Variants in IFI44 observed in about 807,000 individuals in gnomAD.
The protein encoded by IFI44 is interferon induced protein 44, also known as interferon-induced protein 44.
Under a neutral mutation model 45.0 loss-of-function variants are expected in IFI44, and 42 were observed. That is an observed-to-expected ratio of 0.93 (90% CI 0.73 to 1.21). The LOEUF (loss-of-function observed/expected upper bound fraction) is 1.21, where lower values mean the gene tolerates loss of function less well. Ranked by LOEUF, IFI44 falls within the 50% of genes most tolerant of loss-of-function variation. The pLI is 0.00. For missense variants in IFI44, 623 were observed against 525.8 expected, an observed-to-expected ratio of 1.18 and a Z score of -1.81; for synonymous variants, 221 against 188.6, an observed-to-expected ratio of 1.17 and a Z score of -1.41.
chr1:78,655,969 G>T (rs1647201989), intron 5 of IFI44, among the ~76,000 whole-genome samples: 1 of 152,098 alleles, frequency 6.6e-6, no homozygotes, highest in Non-Finnish European at 1.5e-5. Flanking sequence ...AGGTAATTAG[G>T]TCATGAAGAT....
At chr1:78,657,176 C>T (rs1409945401) in intron 5 of IFI44, among the ~76,000 whole-genome samples, 1 of 151,992 alleles carries the variant, frequency 6.6e-6, no homozygotes, top group Non-Finnish European at 1.5e-5. Flanking sequence ...TTATCAAATA[C>T]AACTCAATGT....
rs776377795 is a variant in IFI44, at chr1:78,650,311, T to C, written c.116T>C (p.Val39Ala). 1 of 1,613,900 alleles carries C rather than the reference T, an allele frequency of 6.2e-7. No individual in the cohort carries two copies. The highest frequency in any genetic ancestry group is 8.5e-7 in the Non-Finnish European group (1 of 1,179,920). The change falls in exon 2 of 9, where the codon GTT becomes GCT. Residue 39 changes from valine (V) to alanine (A), a missense_variant. Val to Ala is a moderately conservative substitution (Grantham distance 64). Coordinates refer to ENST00000370747, the MANE Select transcript of IFI44 (RefSeq NM_006417.5). ...AGTGTCCATGGATTCCGTAATGGAG[T>C]TTTGCTTGACAGATGTTGTAATCAA... ...KGSVHGFRNGVLLDRCCNQGP... is the reference protein window; with the variant it reads ...KGSVHGFRNGALLDRCCNQGP...
chr1:78,662,986 C>T (rs746063179), intron 8 of IFI44, 108 bp downstream of exon 8: 683 of 1,592,738 alleles, frequency 4.3e-4, no homozygotes, highest in Non-Finnish European at 5.3e-4. Context: ...TGGGTTGTTG[C>T]CCTGTGATTA....
intron 2 of IFI44, among the ~76,000 whole-genome samples, chr1:78,652,513 A>T (rs549893169): frequency 2.0e-5 from 3 of 152,366 alleles, no homozygotes; most frequent in Admixed American, 2.0e-4. Context: ...CAGCGTATTT[A>T]TTAGAAAATT....
chr1:78,659,629 T>C, intron 6 of IFI44, 146 bp downstream of exon 6: 2 of 594,684 alleles, frequency 3.4e-6, no homozygotes, highest in Non-Finnish European at 5.7e-6. Flanking sequence ...TTCAATGAAA[T>C]TGAGCATTCA....
chr1:78,657,420 T>C (rs566873027), intron 5 of IFI44, among the ~76,000 whole-genome samples: 5 of 152,232 alleles, frequency 3.3e-5, no homozygotes, highest in Non-Finnish European at 7.4e-5. Flanking sequence ...TGTGTCCTGA[T>C]TATTGAGAGT....
chr1:78,659,482 T>G lies in IFI44; in HGVS notation c.1011T>G (p.Ala337=). ...IKRIRRELVN[A]GVVHVALLTH... ...GAATTCGAAGGGAGTTGGTAAACGC[T>G]GGTGAGTCTCATTCCACTTTGCTAA... The change falls in exon 6 of 9, where the codon GCT becomes GCG. Residue 337 remains alanine, a splice_region_variant and synonymous_variant. Coordinates refer to ENST00000370747, the MANE Select transcript of IFI44 (RefSeq NM_006417.5). The G allele has an allele frequency of 6.2e-7, 1 of 1,610,234 alleles. No homozygotes were observed. Among genetic ancestry groups the G allele is most frequent in the African/African-American group, 1.3e-5 (1 of 74,976 alleles).
rs1020582211 is a variant in IFI44 at position 78,659,490 on chromosome 1, C to T, written c.1012+7C>T. On this transcript the variant is annotated splice_region_variant and intron_variant, in intron 6 of 8. Coordinates refer to ENST00000370747, the MANE Select transcript of IFI44 (RefSeq NM_006417.5). ...AGGGAGTTGGTAAACGCTGGTGAGT[C>T]TCATTCCACTTTGCTAAGGGTAATA... 14 of 1,607,002 alleles carry T rather than the reference C, an allele frequency of 8.7e-6. No individual in the cohort carries two copies. Among genetic ancestry groups the T allele is most frequent in the African/African-American group, 1.3e-5 (1 of 74,792 alleles).
At chr1:78,650,953 A>G (rs1025300735) in intron 2 of IFI44, among the ~76,000 whole-genome samples, 4 of 152,232 alleles carry the variant, frequency 2.6e-5, no homozygotes, top group Non-Finnish European at 5.9e-5. Context: ...ACTTACAACG[A>G]AACCAGTTTA....
intron 8 of IFI44, chr1:78,663,532 A>T (rs1418958142): frequency 1.0e-6 from 1 of 985,034 alleles, no homozygotes; most frequent in Non-Finnish European, 1.2e-6. Context: ...ATCAATTCAG[A>T]ATATCACATC....
rs968253591 is a variant in IFI44 at position 78,662,462 on chromosome 1, T to C, written c.1114-242T>C. Among the ~76,000 whole-genome samples the C allele has an allele frequency of 9.2e-5, 14 of 152,314 alleles. No homozygotes were observed. The South Asian group carries it at 2.9e-3, about 32-fold the overall frequency. On this transcript the variant is annotated intron_variant, in intron 7 of 8. Coordinates refer to ENST00000370747, the MANE Select transcript of IFI44 (RefSeq NM_006417.5). ...TATATGGACTGTAGGATAGGTGTCA[T>C]AAAAATTTTGTTTCTAAATCATTTA... is the stretch of plus-strand genomic sequence containing the variant.
Position 78,650,356 on chromosome 1 carries a change from T to C in IFI44, c.161T>C (p.Ile54Thr). 6.2e-7 allele frequency: 1 copy of C among 1,614,092 alleles called. No individual in the cohort carries two copies. Among genetic ancestry groups the C allele is most frequent in the Non-Finnish European group, 8.5e-7 (1 of 1,179,956 alleles). The change falls in exon 2 of 9, where the codon ATT becomes ACT. Residue 54 changes from isoleucine (I) to threonine (T), a missense_variant. Transcript: ENST00000370747. ...AATCAAGGGCCTACTCTAACAGTGA[T>C]TTATAGTGAAGATCATATTATTGGA... ...CCNQGPTLTV[I>T]YSEDHIIGAY...
chr1:78,657,385 GT>G (rs1647239851), intron 5 of IFI44, among the ~76,000 whole-genome samples: 2 of 152,006 alleles, frequency 1.3e-5, no homozygotes, highest in African/African-American at 4.8e-5. Context: ...CCTCGGGGTA[GT>G]TTTACATGGT....
rs746938655 is a variant in IFI44, at chr1:78,655,344, C to G, written c.691-18C>G. 3 of 1,576,044 alleles carry G rather than the reference C, an allele frequency of 1.9e-6. No individual in the cohort carries two copies. The highest frequency in any genetic ancestry group is 2.6e-6 in the Non-Finnish European group (3 of 1,165,472). On this transcript the variant is annotated intron_variant, in intron 4 of 8. Transcript: ENST00000370747. ...AATAAAAAATGAATCTTTAAAATTGCTTTTCTCCCCTCTACAGTATAGGAC... is the reference window on the plus strand; with the variant it reads ...AATAAAAAATGAATCTTTAAAATTGGTTTTCTCCCCTCTACAGTATAGGAC...
intron 8 of IFI44, 67 bp from the exon 9 acceptor site, chr1:78,663,698 T>A (rs957061811): frequency 6.3e-7 from 1 of 1,587,452 alleles, no homozygotes; most frequent in Non-Finnish European, 8.6e-7. Flanking sequence ...TGGTCCAATA[T>A]TCCTCTTCCC....
Position 78,662,748 on chromosome 1 carries a change from C to T in IFI44, c.1158C>T (p.Ile386=), listed in dbSNP as rs777812373. The T allele has an allele frequency of 1.9e-6, 3 of 1,613,766 alleles. No homozygotes were observed. The Admixed American group carries it at 5.0e-5, about 27-fold the overall frequency. The change falls in exon 8 of 9, where the codon ATC becomes ATT. Residue 386 remains isoleucine, a synonymous_variant. Transcript: ENST00000370747. ...QRKLGFALSD[I]SVVSNYSSEW... ...AACTTGGATTTGCTCTTTCTGACAT[C>T]TCGGTGGTTAGCAATTATTCCTCTG...
chr1:78,652,807 T>G (rs573584571), intron 2 of IFI44, among the ~76,000 whole-genome samples: 1 of 152,316 alleles, frequency 6.6e-6, no homozygotes, highest in South Asian at 2.1e-4. Context: ...GGTTGGTACA[T>G]ATAATTGTTT....
At chr1:78,657,999 A>G (rs1647264721) in intron 5 of IFI44, among the ~76,000 whole-genome samples, 1 of 152,004 alleles carries the variant, frequency 6.6e-6, no homozygotes, top group Non-Finnish European at 1.5e-5. Context: ...GGTGTGGGGC[A>G]TTAGAAATGC....
intron 6 of IFI44, 92 bp downstream of exon 6, chr1:78,659,575 T>C: frequency 1.0e-6 from 1 of 954,650 alleles, no homozygotes; most frequent in Non-Finnish European, 1.5e-6. Context: ...GATAAAGAAC[T>C]TAAGTCATTG....
Sources: allele counts gnomAD v4.1 joint callset (sites outside exome capture counted in the v4.1 genomes callset), GRCh38; gene constraint gnomAD v4.1.1; transcripts MANE v1.5; gene names NCBI Gene and HGNC (gene_info 2026-07-23, HGNC 2026-07-21).